The following NEBL variants were observed in gnomAD, a reference collection of about 807,000 sequenced individuals.
NEBL encodes the protein LIM and SH3 protein 2.
NEBL carries 122 observed loss-of-function variants against 140.2 expected under a neutral mutation model. The observed-to-expected ratio is 0.87, with a 90% confidence interval of 0.75 to 1.01. The LOEUF (loss-of-function observed/expected upper bound fraction) is 1.01. Ranked by LOEUF, NEBL falls within the 50% of genes least tolerant of loss-of-function variation. The pLI, the probability that NEBL is intolerant of heterozygous loss-of-function variation, is 0.00. For missense variants in NEBL, 1,365 were observed against 1,231.3 expected (o/e 1.11, Z -1.62); for synonymous variants, 436 against 398.9 (o/e 1.09, Z -1.11).
At chr10:21,019,943 G>T (rs377285662) in intron 3 of NEBL, among the ~76,000 whole-genome samples, 8 of 152,252 alleles carry the variant, frequency 5.3e-5, no homozygotes, top group African/African-American at 1.7e-4. Flanking sequence ...ATTCAAGACC[G>T]GGAACAGTAC....
rs1295582106 is a variant in NEBL, at chr10:20,781,982, C to T, written c.*3765G>A. 2.6e-5 allele frequency: 4 copies of T among 152,512 alleles called. No homozygotes were observed. 9.4% of individuals were successfully genotyped at this position (152,512 alleles called of 1,614,324 possible). A position where few individuals can be genotyped will look rare whatever the true frequency, so the allele number is the denominator to read the frequency against. ...TCATCTTGTGTAGTGAATCCAGCCTCACAATTATTCTATCTTACAATAGGC... is the reference window on the plus strand; with the variant it reads ...TCATCTTGTGTAGTGAATCCAGCCTTACAATTATTCTATCTTACAATAGGC... On this transcript the variant is annotated 3_prime_UTR_variant, in exon 28 of 28. Coordinates refer to ENST00000377122, the MANE Select transcript of NEBL (RefSeq NM_006393.3).
Position 21,118,254 on chromosome 10 carries a change from C to T in NEBL, c.164+54129G>A, listed in dbSNP as rs142000151. 1.9e-3 allele frequency among the ~76,000 whole-genome samples: 291 copies of T among 152,264 alleles called. 1 individual carries two copies. The highest frequency in any genetic ancestry group is 6.6e-3 in the African/African-American group (276 of 41,572). On this transcript the variant is annotated intron_variant, in intron 2 of 6. Transcript: ENST00000417816. ...TGTTGTTCCATAATCCCTTCCTTAT[C>T]GTTCTTTCAACATGGTTTTCTTCCA...
intron 2 of NEBL, among the ~76,000 whole-genome samples, chr10:20,895,933 A>G (rs905864692): frequency 1.3e-4 from 20 of 152,218 alleles, no homozygotes; most frequent in African/African-American, 4.6e-4. Context: ...TATAAATGTT[A>G]CAGCTGAGGG....
rs1407718035 is a variant in NEBL, at chr10:21,169,688, T to C, written c.164+2695A>G. 4.6e-5 allele frequency among the ~76,000 whole-genome samples: 7 copies of C among 152,182 alleles called. No homozygotes were observed. In the East Asian group the frequency reaches 1.2e-3, roughly 25 times the overall value. ...AAAGCTAAATTTTAAATATCAGCTG[T>C]CTACACATTCATTCACTAAGGATGA... On this transcript the variant is annotated intron_variant, in intron 2 of 6. Coordinates refer to the NEBL transcript ENST00000417816.
intron 4 of NEBL, among the ~76,000 whole-genome samples, chr10:20,960,229 C>T (rs1352390346): frequency 6.6e-6 from 1 of 151,982 alleles, no homozygotes; most frequent in African/African-American, 2.4e-5. Context: ...TTTAGATAAA[C>T]ATTTGCCAAA....
intron 4 of NEBL, among the ~76,000 whole-genome samples, chr10:20,930,291 A>C (rs1834120233): frequency 6.6e-6 from 1 of 152,104 alleles, no homozygotes; most frequent in South Asian, 2.1e-4. Context: ...CAAACATTTC[A>C]TCCTTCGACA....
rs1833676671 is a variant in NEBL, at chr10:21,029,262, C to T, written c.165-9061G>A. ...CTCGGGAACCCAATATCAACTGGAGCTTTCTTCCCAAATCGCCACCCTACA... is the reference window on the plus strand; with the variant it reads ...CTCGGGAACCCAATATCAACTGGAGTTTTCTTCCCAAATCGCCACCCTACA... On this transcript the variant is annotated intron_variant, in intron 2 of 6. Coordinates refer to the NEBL transcript ENST00000417816. 3 of 1,583,596 alleles carry T rather than the reference C, an allele frequency of 1.9e-6. No individual in the cohort carries two copies. In the African/African-American group the frequency reaches 4.0e-5, roughly 21 times the overall value.
intron 2 of NEBL, among the ~76,000 whole-genome samples, chr10:21,094,638 C>A (rs1837096431): frequency 6.6e-6 from 1 of 151,684 alleles, no homozygotes; most frequent in Non-Finnish European, 1.5e-5. Flanking sequence ...GCTGAGATTG[C>A]CCTAATCCAC....
At chr10:20,993,655 T>C (rs1007186429) in intron 3 of NEBL, among the ~76,000 whole-genome samples, 2 of 152,214 alleles carry the variant, frequency 1.3e-5, no homozygotes, top group African/African-American at 2.4e-5. Flanking sequence ...GCTAGTATCA[T>C]GTTTGTTCAA....
At chr10:21,076,090 A>G (rs1836061260) in intron 2 of NEBL, among the ~76,000 whole-genome samples, 1 of 151,930 alleles carries the variant, frequency 6.6e-6, no homozygotes, top group African/African-American at 2.4e-5. Flanking sequence ...ATCAGCGGTA[A>G]TGTAAAATGG....
chr10:21,292,506 T>A (rs1159956124), intron 1 of NEBL, among the ~76,000 whole-genome samples: 2 of 152,204 alleles, frequency 1.3e-5, no homozygotes, highest in Non-Finnish European at 2.9e-5. Context: ...TGAAATTGAC[T>A]GAGAAAGTAA....
intron 4 of NEBL, among the ~76,000 whole-genome samples, chr10:20,939,579 T>G: frequency 6.6e-6 from 1 of 152,102 alleles, no homozygotes; most frequent in East Asian, 1.9e-4. Context: ...AATTCACACA[T>G]AACAATATTA....
At chr10:20,914,856 GTTGTT>G (rs1231921677) in intron 4 of NEBL, among the ~76,000 whole-genome samples, 1 of 151,722 alleles carries the variant, frequency 6.6e-6, no homozygotes, top group African/African-American at 2.4e-5. Context: ...ATTTTCTGGG[GTTGTT>G]TTGTTTTGTT....
At chr10:21,054,779 G>T (rs900577696) in intron 2 of NEBL, among the ~76,000 whole-genome samples, 3 of 152,040 alleles carry the variant, frequency 2.0e-5, no homozygotes, top group African/African-American at 7.2e-5. Context: ...TGCATTAAAA[G>T]AAATGTATGA....
chr10:21,184,165 A>G (rs1841428613), intron 3 of NEBL, among the ~76,000 whole-genome samples: 1 of 152,244 alleles, frequency 6.6e-6, no homozygotes, highest in Non-Finnish European at 1.5e-5. Context: ...AAACTAAGCT[A>G]GTAGTCCACG....
In NEBL at chr10:20,888,091, C is replaced by T. The variant is rs776828212; in HGVS notation, c.369+6G>A. 1.9e-6 allele frequency: 3 copies of T among 1,577,402 alleles called. No individual in the cohort carries two copies. In the East Asian group the frequency reaches 6.7e-5, roughly 35 times the overall value. ...AAAATCATGAAACACTTTAGAAAAA[C>T]CCTACCTCACTCTGGAGCTGTGTAA... On this transcript the variant is annotated splice_donor_region_variant and intron_variant, in intron 4 of 27. Coordinates refer to ENST00000377122, the MANE Select transcript of NEBL (RefSeq NM_006393.3).
intron 2 of NEBL, among the ~76,000 whole-genome samples, chr10:21,118,436 G>A (rs377153614): frequency 1.3e-5 from 2 of 152,020 alleles, no homozygotes; most frequent in Admixed American, 6.6e-5. Context: ...TACTTAAAAA[G>A]AAACCTAAAT....
intron 4 of NEBL, among the ~76,000 whole-genome samples, chr10:20,915,060 C>T (rs536851822): frequency 1.3e-5 from 2 of 150,090 alleles, no homozygotes; most frequent in East Asian, 3.9e-4. Flanking sequence ...ACCTCAGCCT[C>T]CCAGAGTGCT....
chr10:21,277,885 G>A (rs1842944150), intron 1 of NEBL, among the ~76,000 whole-genome samples: 2 of 152,030 alleles, frequency 1.3e-5, no homozygotes, highest in South Asian at 4.2e-4. Flanking sequence ...TCCAACTCTT[G>A]GGCTCAAGTA....
Sources: gnomAD v4.1 joint callset for allele counts (sites outside exome capture counted in the v4.1 genomes callset) on GRCh38, gnomAD v4.1.1 for gene constraint, MANE v1.5 for transcripts, NCBI Gene and HGNC (gene_info 2026-07-23, HGNC 2026-07-21) for gene names.